SGTB: variants seen among roughly 807,000 people sequenced by gnomAD.
The protein encoded by SGTB is small glutamine rich tetratricopeptide repeat co-chaperone beta.
A neutral mutation model predicts 43.9 loss-of-function variants in SGTB; 19 were observed. The ratio of observed to expected loss-of-function variants is 0.43; its 90% confidence interval spans 0.30 to 0.63. The LOEUF is 0.63. Ranked by LOEUF, SGTB falls within the 30% of genes least tolerant of loss-of-function variation. The probability of loss-of-function intolerance (pLI) is 0.12; values close to 1 mark genes in which losing one functional copy is unlikely to be tolerated. For missense variants in SGTB, 304 were observed against 358.9 expected (o/e 0.85, Z 1.24); for synonymous variants, 116 against 117.3 (o/e 0.99, Z 0.07).
intron 8 of SGTB, among the ~76,000 whole-genome samples, chr5:65,673,913 C>T (rs1479518022): frequency 6.6e-6 from 1 of 152,154 alleles, no homozygotes; most frequent in Non-Finnish European, 1.5e-5. Context: ...ATCTTAGCCT[C>T]CCAAAGTGCT....
intron 3 of SGTB, 68 bp from the exon 4 acceptor site, chr5:65,708,626 A>G: frequency 8.6e-7 from 1 of 1,161,012 alleles, no homozygotes; most frequent in Non-Finnish European, 1.2e-6. Context: ...AGTACTATAA[A>G]TAAATAATAA....
At chr5:65,671,015 G>C (rs950414694) in intron 10 of SGTB, among the ~76,000 whole-genome samples, 4 of 152,326 alleles carry the variant, frequency 2.6e-5, no homozygotes, top group African/African-American at 9.6e-5. Flanking sequence ...GTAATGAGAA[G>C]ATGCAAGTAG....
rs1026999940 is a variant in SGTB at position 65,669,421 on chromosome 5, ATAAT to A, written c.*821_*824del. The A allele has an allele frequency of 9.9e-5, 15 of 152,190 alleles. No homozygotes were observed. Among genetic ancestry groups the A allele is most frequent in the African/African-American group, 3.6e-4 (15 of 41,436 alleles). 9.4% of individuals were successfully genotyped at this position (152,190 alleles called of 1,614,324 possible). ...TAAGGTTACCATTGGGGAAATTGTG[ATAAT>A]TAAGTCAAACAGTTGTACCACTGAC... On this transcript the variant is annotated 3_prime_UTR_variant, in exon 11 of 11. Transcript: ENST00000381007.
At chr5:65,685,739 C>T (rs1273805934) in intron 5 of SGTB, among the ~76,000 whole-genome samples, 1 of 152,146 alleles carries the variant, frequency 6.6e-6, no homozygotes, top group Non-Finnish European at 1.5e-5. Flanking sequence ...ACTGGTCTAC[C>T]TATTTATACC....
At chr5:65,720,991 G>A (rs1377128349) in intron 1 of SGTB, among the ~76,000 whole-genome samples, 162 bp from the exon 2 acceptor site, 1 of 152,162 alleles carries the variant, frequency 6.6e-6, no homozygotes, top group Non-Finnish European at 1.5e-5. Context: ...AGAGTCAGGA[G>A]AGCACAAAGT....
chr5:65,718,683 G>A (rs1304633304), intron 2 of SGTB, among the ~76,000 whole-genome samples: 2 of 152,030 alleles, frequency 1.3e-5, no homozygotes, highest in East Asian at 3.9e-4. Context: ...TAGAAGGTGG[G>A]CAGACACCTC....
At chr5:65,695,422 G>A (rs548212121) in intron 5 of SGTB, among the ~76,000 whole-genome samples, 5 of 152,314 alleles carry the variant, frequency 3.3e-5, no homozygotes, top group East Asian at 3.9e-4. Context: ...CAGGAGAGGC[G>A]TCTGAGCCTC....
upstream of SGTB, chr5:65,722,412 C>A: frequency 6.3e-7 from 1 of 1,588,706 alleles, no homozygotes; most frequent in Non-Finnish European, 8.6e-7. Context: ...GAAGCCTCCG[C>A]AGGTACCTCC....
intron 5 of SGTB, among the ~76,000 whole-genome samples, chr5:65,691,866 G>C (rs1408324105): frequency 2.0e-5 from 3 of 150,960 alleles, no homozygotes; most frequent in Non-Finnish European, 4.4e-5. Flanking sequence ...GGGAGGCGGA[G>C]CTTGCAGTGA....
chr5:65,671,228 A>C (rs1757147892), intron 10 of SGTB, among the ~76,000 whole-genome samples: 1 of 152,112 alleles, frequency 6.6e-6, no homozygotes, highest in Non-Finnish European at 1.5e-5. Context: ...CATTGGGAAA[A>C]AATGGGGGAT....
rs766678359 is a variant in SGTB, at chr5:65,685,397, T to A, written c.450A>T (p.Ser150=). ...TTCTCCCATAGGCCTTGCTGTACTTTGAATCAATTGCTATTGCTTTTTCAC... is the reference window on the plus strand; with the variant it reads ...TTCTCCCATAGGCCTTGCTGTACTTAGAATCAATTGCTATTGCTTTTTCAC... ...KDCEKAIAID[S]KYSKAYGRMG... is the part of the protein sequence containing the mutation. Residue 150 remains serine (S), a synonymous_variant, in exon 6 of 11, where the codon TCA becomes TCT. Transcript: ENST00000381007. 1.2e-6 allele frequency: 2 copies of A among 1,614,054 alleles called. No homozygotes were observed. The highest frequency in any genetic ancestry group is 8.5e-7 in the Non-Finnish European group (1 of 1,180,026).
intron 5 of SGTB, among the ~76,000 whole-genome samples, chr5:65,693,120 G>A (rs917501238): frequency 6.6e-6 from 1 of 151,972 alleles, no homozygotes; most frequent in African/African-American, 2.4e-5. Context: ...CTTGAACCTG[G>A]AAGGCAGAGG....
At chr5:65,678,084 A>G (rs1000494678) in intron 8 of SGTB, among the ~76,000 whole-genome samples, 9 of 152,214 alleles carry the variant, frequency 5.9e-5, no homozygotes, top group Admixed American at 6.5e-5. Flanking sequence ...ACAGGATCCT[A>G]TATCTAGAAA....
chr5:65,709,404 G>T (rs1758002245), intron 3 of SGTB, among the ~76,000 whole-genome samples: 1 of 149,636 alleles, frequency 6.7e-6, no homozygotes, highest in Admixed American at 6.6e-5. Flanking sequence ...TTTTGAGATG[G>T]AGTCTCGCTC....
rs1757069911 is a variant in SGTB at position 65,667,852 on chromosome 5, A to C, written c.*2394T>G. On this transcript the variant is annotated 3_prime_UTR_variant, in exon 11 of 11. Transcript: ENST00000381007. ...ATGAATTATCCAGGTGATTCTTACA[A>C]TGAAGTTATAGAACTACTGTTCTAA... The C allele has an allele frequency of 2.6e-5, 4 of 152,322 alleles. No individual in the cohort carries two copies. In the South Asian group the frequency reaches 8.3e-4, roughly 32 times the overall value. 9.4% of individuals were successfully genotyped at this position (152,322 alleles called of 1,614,324 possible).
chr5:65,701,029 A>G (rs1250407293), intron 5 of SGTB, among the ~76,000 whole-genome samples: 1 of 151,124 alleles, frequency 6.6e-6, no homozygotes, highest in Admixed American at 6.6e-5. Flanking sequence ...AAAAAAAAAA[A>G]AAAAAAGAAT....
intron 5 of SGTB, among the ~76,000 whole-genome samples, chr5:65,689,215 TATTAAG>T (rs1039391387): frequency 6.6e-6 from 1 of 152,226 alleles, no homozygotes; most frequent in Non-Finnish European, 1.5e-5. Flanking sequence ...CATTACAATA[TATTAAG>T]ATTATCTAGC....
At chr5:65,709,503 C>T (rs565737996) in intron 3 of SGTB, among the ~76,000 whole-genome samples, 1 of 151,836 alleles carries the variant, frequency 6.6e-6, no homozygotes, top group African/African-American at 2.4e-5. Flanking sequence ...CTCAGCCTCC[C>T]GAGTAGCTGG....
chr5:65,706,590 G>C (rs1341628870), intron 4 of SGTB, among the ~76,000 whole-genome samples: 1 of 152,198 alleles, frequency 6.6e-6, no homozygotes, highest in African/African-American at 2.4e-5. Context: ...CTGGCACTTT[G>C]GGAGGCCGAG....
Sources: allele counts gnomAD v4.1 joint callset (sites outside exome capture counted in the v4.1 genomes callset), GRCh38; gene constraint gnomAD v4.1.1; transcripts MANE v1.5; gene names NCBI Gene and HGNC (gene_info 2026-07-23, HGNC 2026-07-21).